Variants in KCNU1 observed in about 807,000 individuals in gnomAD.
KCNU1 encodes the protein potassium calcium-activated channel subfamily U member 1.
Under a neutral mutation model 126.8 loss-of-function variants are expected in KCNU1, and 93 were observed. That is an observed-to-expected ratio of 0.73 (90% CI 0.62 to 0.87). The LOEUF (loss-of-function observed/expected upper bound fraction) is 0.87, where lower values mean the gene tolerates loss of function less well. KCNU1 is among the 40% of genes least tolerant of loss of function. The pLI, the probability that KCNU1 is intolerant of heterozygous loss-of-function variation, is 0.00. For synonymous variants in KCNU1, 523 were observed against 494.2 expected (o/e 1.06, Z -0.77); for missense variants, 1,330 against 1,367.1 (o/e 0.97, Z 0.43).
chr8:36,820,305 C>T (rs1463580492), intron 10 of KCNU1, among the ~76,000 whole-genome samples: 1 of 152,040 alleles, frequency 6.6e-6, no homozygotes, highest in African/African-American at 2.4e-5. Flanking sequence ...ACAAGTGGTA[C>T]TCGAAGGGTG....
rs200505595 is a variant in KCNU1, at chr8:36,922,642, A to C, written c.2736+13A>C. 1.3e-4 allele frequency: 203 copies of C among 1,610,634 alleles called. No homozygotes were observed. The highest frequency in any genetic ancestry group is 1.7e-4 in the Non-Finnish European group (202 of 1,178,526). ...TCTGCTGGCCACGGTAAGAAAAGCT[A>C]AGCCATGGAGCCCCCAAAACCAAGC... On this transcript the variant is annotated intron_variant, in intron 24 of 26. Coordinates refer to ENST00000399881, the MANE Select transcript of KCNU1 (RefSeq NM_001031836.3).
chr8:36,814,202 G>T lies in KCNU1; in HGVS notation c.733-5G>T. 4 of 1,611,308 alleles carry T rather than the reference G, an allele frequency of 2.5e-6. No individual in the cohort carries two copies. Among genetic ancestry groups the T allele is most frequent in the Non-Finnish European group, 3.4e-6 (4 of 1,177,978 alleles). The stretch of plus-strand genomic sequence containing the variant: ...ATGTTTCCTGAGTCTTCTCTCTTTG[G>T]ACAGGTGGAAAATTCTGGTGATCCC... On this transcript the variant is annotated splice_polypyrimidine_tract_variant and splice_region_variant and intron_variant, in intron 7 of 26. Transcript: ENST00000399881.
chr8:36,876,584 G>A (rs1271304160), intron 19 of KCNU1, among the ~76,000 whole-genome samples: 1 of 152,092 alleles, frequency 6.6e-6, no homozygotes, highest in Non-Finnish European at 1.5e-5. Flanking sequence ...TCCTAATGAG[G>A]TGCTCTGTCA....
At chr8:36,808,574 G>A (rs949511111) in intron 6 of KCNU1, 144 bp from the exon 7 acceptor site, 8 of 624,532 alleles carry the variant, frequency 1.3e-5, no homozygotes, top group Non-Finnish European at 2.0e-5. Flanking sequence ...GGACTGGGAT[G>A]CTGCATTTCG....
At chr8:36,921,601 C>A (rs1390317218) in intron 23 of KCNU1, among the ~76,000 whole-genome samples, 4 of 147,212 alleles carry the variant, frequency 2.7e-5, no homozygotes, top group Non-Finnish European at 5.9e-5. Context: ...ATTGCTTGAA[C>A]CCAGAAGGCA....
At chr8:36,886,603 A>G (rs1806713445) in intron 19 of KCNU1, among the ~76,000 whole-genome samples, 1 of 152,180 alleles carries the variant, frequency 6.6e-6, no homozygotes, top group Non-Finnish European at 1.5e-5. Flanking sequence ...AGCTATGGAT[A>G]TGCATGCAAC....
At chr8:36,897,997 C>A (rs757214779) in intron 19 of KCNU1, among the ~76,000 whole-genome samples, 7 of 152,046 alleles carry the variant, frequency 4.6e-5, no homozygotes, top group Non-Finnish European at 7.4e-5. Flanking sequence ...ACTCAGGATG[C>A]CTGTATTCAC....
At chr8:36,818,251 G>T (rs1340367583) in intron 10 of KCNU1, among the ~76,000 whole-genome samples, 2 of 152,064 alleles carry the variant, frequency 1.3e-5, no homozygotes, top group Admixed American at 1.3e-4. Flanking sequence ...GTATAGCTTA[G>T]GTACACAAAA....
In KCNU1 at chr8:36,931,093, G is replaced by A. The variant is rs1376104188; in HGVS notation, c.2879G>A (p.Arg960Gln). 27 of 1,611,156 alleles carry A rather than the reference G, an allele frequency of 1.7e-5. No homozygotes were observed. Among genetic ancestry groups the A allele is most frequent in the Non-Finnish European group, 2.0e-5 (23 of 1,178,482 alleles). The change falls in exon 25 of 27, where the codon CGG (arginine) becomes CAG (glutamine). Residue 960 changes from arginine (R) to glutamine (Q), a missense_variant. By Grantham distance (43) the Arg-to-Gln change is conservative. Transcript: ENST00000399881. ...SCTSLLSGRN[R>Q]CKLGLLSLHE... The stretch of plus-strand genomic sequence containing the variant: ...ACGTCGCTCTTGTCTGGAAGAAACC[G>A]GTGTAAGCTGGGGCTTCTGTCCTTA...
At chr8:36,871,501 C>T (rs1053498802) in intron 19 of KCNU1, among the ~76,000 whole-genome samples, 23 of 151,818 alleles carry the variant, frequency 1.5e-4, no homozygotes, top group Admixed American at 1.3e-3. Flanking sequence ...ATTGTTATTG[C>T]TTAAAAATAG....
At chr8:36,932,567 T>C (rs368348215) in intron 25 of KCNU1, among the ~76,000 whole-genome samples, 79 of 152,178 alleles carry the variant, frequency 5.2e-4, no homozygotes, top group African/African-American at 1.9e-3. Context: ...TCATTTAACA[T>C]CCCAACTCAT....
chr8:36,835,310 G>A (rs753161632), intron 12 of KCNU1, among the ~76,000 whole-genome samples: 4 of 151,036 alleles, frequency 2.6e-5, no homozygotes, highest in Non-Finnish European at 5.9e-5. Flanking sequence ...CGTGCTTTTT[G>A]TTTGACCATC....
Position 36,896,227 on chromosome 8 carries a change from T to C in KCNU1, c.2010-9481T>C, listed in dbSNP as rs571263887. Among the ~76,000 whole-genome samples, 41 of 152,150 alleles carry C rather than the reference T, an allele frequency of 2.7e-4. 1 individual carries two copies. Among genetic ancestry groups the C allele is most frequent in the African/African-American group, 7.5e-4 (31 of 41,562 alleles). On this transcript the variant is annotated intron_variant, in intron 19 of 26. Coordinates refer to ENST00000399881, the MANE Select transcript of KCNU1 (RefSeq NM_001031836.3). ...TTTTCTTTCTTGTTATGTAAGTACC[T>C]ACATGATATCGATTTAGCCTCTTGG...
intron 10 of KCNU1, among the ~76,000 whole-genome samples, chr8:36,832,859 A>G (rs1804604603): frequency 6.6e-6 from 1 of 152,062 alleles, no homozygotes. Flanking sequence ...TATATTTAAT[A>G]TTTTCAACAT....
intron 19 of KCNU1, among the ~76,000 whole-genome samples, chr8:36,873,180 G>T (rs1158511597): frequency 6.6e-6 from 1 of 152,164 alleles, no homozygotes; most frequent in African/African-American, 2.4e-5. Context: ...TAATAAGAGA[G>T]GTAGACCCTG....
chr8:36,915,128 G>A (rs1808047921), intron 22 of KCNU1, among the ~76,000 whole-genome samples: 1 of 152,190 alleles, frequency 6.6e-6, no homozygotes, highest in Admixed American at 6.5e-5. Flanking sequence ...CTAAAAGTCA[G>A]GATATTTCAA....
At chr8:36,900,906 T>G (rs984364084) in intron 19 of KCNU1, among the ~76,000 whole-genome samples, 7 of 152,118 alleles carry the variant, frequency 4.6e-5, no homozygotes, top group African/African-American at 1.7e-4. Flanking sequence ...AAAGTTGTTA[T>G]TTTTGTAAAA....
At chr8:36,894,189 T>C (rs1807089839) in intron 19 of KCNU1, among the ~76,000 whole-genome samples, 1 of 152,146 alleles carries the variant, frequency 6.6e-6, no homozygotes, top group Admixed American at 6.6e-5. Flanking sequence ...TACAAAAGCA[T>C]TGTGCTTAAT....
Position 36,815,663 on chromosome 8 carries a change from C to T in KCNU1, c.971C>T (p.Ser324Phe). ...GCTAACAAGAGGAAATACACCAGTT[C>T]CTATGAAGCACTCAAAGGAAAGAAG... ...LFANKRKYTS[S>F]YEALKGKKFI... Residue 324 changes from serine (S) to phenylalanine (F), a missense_variant, in exon 9 of 27, where the codon TCC becomes TTC. Coordinates refer to ENST00000399881, the MANE Select transcript of KCNU1 (RefSeq NM_001031836.3). The T allele has an allele frequency of 6.3e-7, 1 of 1,587,402 alleles. No individual in the cohort carries two copies. The highest frequency in any genetic ancestry group is 8.6e-7 in the Non-Finnish European group (1 of 1,164,414).
Sources: allele counts gnomAD v4.1 joint callset (sites outside exome capture counted in the v4.1 genomes callset), GRCh38; gene constraint gnomAD v4.1.1; transcripts MANE v1.5; gene names NCBI Gene and HGNC (gene_info 2026-07-23, HGNC 2026-07-21).